CDIN1: variants seen among roughly 807,000 people sequenced by gnomAD.
CDIN1 encodes the protein CDAN1 interacting nuclease 1, also known as CDAN1-interacting nuclease 1.
A neutral mutation model predicts 45.3 loss-of-function variants in CDIN1; 33 were observed. That is an observed-to-expected ratio of 0.73 (90% CI 0.55 to 0.97). CDIN1 has a LOEUF of 0.97. Ranked by LOEUF, CDIN1 falls within the 50% of genes least tolerant of loss-of-function variation. The pLI, the probability that CDIN1 is intolerant of heterozygous loss-of-function variation, is 0.00. For missense variants in CDIN1, 303 were observed against 339.4 expected (o/e 0.89, Z 0.84); for synonymous variants, 118 against 124.4 (o/e 0.95, Z 0.34).
At chr15:36,751,227 T>TATATATATA (rs1491560687) in intron 10 of CDIN1, among the ~76,000 whole-genome samples, 4 of 34,396 alleles carry the variant, frequency 1.2e-4, no homozygotes, top group East Asian at 4.6e-3. Context: ...TATATGCTTA[T>TATATATATA]TTTATATATA....
At chr15:36,728,337 C>T (rs574726973) in intron 10 of CDIN1, among the ~76,000 whole-genome samples, 2 of 152,058 alleles carry the variant, frequency 1.3e-5, no homozygotes, top group Admixed American at 1.3e-4. Context: ...TTCCCAGTAA[C>T]CAACATTAAA....
At chr15:36,716,963 T>C (rs2043236149) in intron 10 of CDIN1, among the ~76,000 whole-genome samples, 1 of 152,110 alleles carries the variant, frequency 6.6e-6, no homozygotes, top group African/African-American at 2.4e-5. Context: ...ACACCTATGC[T>C]CTTTCTACTC....
rs2040453249 is a variant in CDIN1, at chr15:36,648,679, C to G, written c.212+3392C>G. 2.0e-5 allele frequency: 3 copies of G among 152,320 alleles called. No individual in the cohort carries two copies. In the South Asian group the frequency reaches 6.2e-4, roughly 32 times the overall value. The allele number at this position is 152,320 out of a possible 1,614,324, so 9.4% of individuals were successfully genotyped here. On this transcript the variant is annotated intron_variant, in intron 3 of 10. Coordinates refer to ENST00000566621, the MANE Select transcript of CDIN1 (RefSeq NM_001321759.2). ...TCTCCTGACCTTGTGATCCGCCTGC[C>G]TCGGCCTCCCAAAGTGCTGGGATTA... is the stretch of plus-strand genomic sequence containing the variant.
chr15:36,711,660 T>A (rs573066382), intron 10 of CDIN1, among the ~76,000 whole-genome samples: 82 of 152,314 alleles, frequency 5.4e-4, no homozygotes, highest in Admixed American at 2.9e-3. Context: ...TGTTTGAATA[T>A]ATACTGGCTA....
intron 8 of CDIN1, chr15:36,706,285 A>AC: frequency 6.6e-6 from 1 of 152,158 alleles, no homozygotes; most frequent in Non-Finnish European, 1.5e-5. Context: ...GAATTCTACT[A>AC]AAATGTTAAG....
At chr15:36,690,453 A>G (rs2042206180) in intron 5 of CDIN1, among the ~76,000 whole-genome samples, 1 of 151,978 alleles carries the variant, frequency 6.6e-6, no homozygotes, top group East Asian at 1.9e-4. Context: ...CATTTTTAGT[A>G]GAGACGGGGT....
chr15:36,590,434 G>T (rs2037518860), intron 1 of CDIN1, among the ~76,000 whole-genome samples: 1 of 152,134 alleles, frequency 6.6e-6, no homozygotes, highest in Admixed American at 6.5e-5. Flanking sequence ...AAAAAGTAAG[G>T]TAGATTCATA....
At chr15:36,761,832 T>C (rs1225504808) in intron 10 of CDIN1, among the ~76,000 whole-genome samples, 2 of 152,210 alleles carry the variant, frequency 1.3e-5, no homozygotes, top group South Asian at 4.1e-4. Context: ...TGTTATACTT[T>C]CTTGAAAAGG....
rs895773963 is a variant in CDIN1, at chr15:36,758,415, G to A, written c.716+48454G>A. ...AAAAAAGCAAGTTTCTAAACTGGAC[G>A]AGCCACTTTGCCTCTCTGTGCCTCA... is the stretch of plus-strand genomic sequence containing the variant. On this transcript the variant is annotated intron_variant, in intron 10 of 10. Transcript: ENST00000566621. 4.6e-5 allele frequency among the ~76,000 whole-genome samples: 7 copies of A among 152,242 alleles called. No homozygotes were observed. In the East Asian group the frequency reaches 9.7e-4, roughly 21 times the overall value.
chr15:36,784,450 G>A (rs1780702765), intron 10 of CDIN1, among the ~76,000 whole-genome samples: 1 of 152,202 alleles, frequency 6.6e-6, no homozygotes, highest in Non-Finnish European at 1.5e-5. Flanking sequence ...TAACTCCCTT[G>A]CCATCCACAG....
In CDIN1 at chr15:36,579,702, G is replaced by C; in HGVS notation, c.-159G>C. ...CCGGGCGAGTCTCCGCCCCGCTTTT[G>C]CAGCTAGGGGTGTGTTTCAGGGGGG... On this transcript the variant is annotated 5_prime_UTR_variant, in exon 1 of 11. Transcript: ENST00000566621. 1.7e-6 allele frequency: 1 copy of C among 585,878 alleles called. No homozygotes were observed. The allele number at this position is 585,878 out of a possible 1,614,324, so 36.3% of individuals were successfully genotyped here. A position where few individuals can be genotyped will look rare whatever the true frequency, so the allele number is the denominator to read the frequency against.
chr15:36,721,940 A>G (rs1390292902), intron 10 of CDIN1, among the ~76,000 whole-genome samples: 2 of 152,032 alleles, frequency 1.3e-5, no homozygotes, highest in Non-Finnish European at 2.9e-5. Context: ...TGGACATCAC[A>G]GCTGGGAAAC....
chr15:36,633,303 G>A (rs893862139), intron 1 of CDIN1, among the ~76,000 whole-genome samples: 1 of 152,180 alleles, frequency 6.6e-6, no homozygotes, highest in African/African-American at 2.4e-5. Context: ...ACTGTTGTAG[G>A]TATGATTGAA....
Position 36,686,890 on chromosome 15 carries a change from GGA to G in CDIN1, c.347-4785_347-4784del, listed in dbSNP as rs1169807356. 1.0e-4 allele frequency among the ~76,000 whole-genome samples: 13 copies of G among 124,668 alleles called. No homozygotes were observed. In the South Asian group the frequency reaches 2.8e-3, roughly 27 times the overall value. 81.8% of individuals were successfully genotyped at this position (124,668 alleles called of 152,430 possible). A position where few individuals can be genotyped will look rare whatever the true frequency, so the allele number is the denominator to read the frequency against. On this transcript the variant is annotated intron_variant, in intron 5 of 10. Coordinates refer to ENST00000566621, the MANE Select transcript of CDIN1 (RefSeq NM_001321759.2). ...AGGGAGGAAAGATGGAGGGAGGGTG[GGA>G]GAGAGAGAGGGAGGGAGAGAGGGAA... is the stretch of plus-strand genomic sequence containing the variant.
At chr15:36,732,525 AT>A (rs939028974) in intron 10 of CDIN1, among the ~76,000 whole-genome samples, 11 of 152,162 alleles carry the variant, frequency 7.2e-5, no homozygotes, top group African/African-American at 2.7e-4. Context: ...GTGTCAAAAA[AT>A]GTCCTTTCTT....
At chr15:36,588,329 G>A (rs2140175009) in intron 1 of CDIN1, among the ~76,000 whole-genome samples, 1 of 152,246 alleles carries the variant, frequency 6.6e-6, no homozygotes, top group African/African-American at 2.4e-5. Context: ...ATACTTAATT[G>A]AAATACTATT....
intron 5 of CDIN1, among the ~76,000 whole-genome samples, chr15:36,677,071 C>G (rs1008796587): frequency 5.3e-5 from 8 of 152,142 alleles, no homozygotes; most frequent in African/African-American, 1.9e-4. Flanking sequence ...GAGTAGTCTT[C>G]TCTTTCCTTT....
chr15:36,620,823 GTT>G (rs2039153306), intron 1 of CDIN1, among the ~76,000 whole-genome samples: 1 of 151,694 alleles, frequency 6.6e-6, no homozygotes, highest in Non-Finnish European at 1.5e-5. Context: ...ACTTATTTCT[GTT>G]TACAGTGTAT....
At chr15:36,807,382 GC>G (rs2055264611) in intron 10 of CDIN1, among the ~76,000 whole-genome samples, 1 of 152,082 alleles carries the variant, frequency 6.6e-6, no homozygotes, top group Non-Finnish European at 1.5e-5. Flanking sequence ...TAAAATTCCT[GC>G]AACACTACAC....
Sources: allele counts gnomAD v4.1 joint callset (sites outside exome capture counted in the v4.1 genomes callset), GRCh38; gene constraint gnomAD v4.1.1; transcripts MANE v1.5; gene names NCBI Gene and HGNC (gene_info 2026-07-23, HGNC 2026-07-21).